The following KIF6 variants were observed in gnomAD, a reference collection of about 807,000 sequenced individuals.
The protein encoded by KIF6 is kinesin-like protein KIF6.
KIF6 carries 106 observed loss-of-function variants against 112.7 expected under a neutral mutation model. The ratio of observed to expected loss-of-function variants is 0.94; its 90% CI spans 0.80 to 1.11. The LOEUF (loss-of-function observed/expected upper bound fraction) is 1.11, where lower values mean the gene tolerates loss of function less well. Ranked by LOEUF, KIF6 falls within the 50% of genes least tolerant of loss-of-function variation. The pLI, the probability that KIF6 is intolerant of heterozygous loss-of-function variation, is 0.00. For synonymous variants in KIF6, 339 were observed against 339.9 expected, an observed-to-expected ratio of 1.00 and a Z score of 0.03; for missense variants, 929 against 964.0, an observed-to-expected ratio of 0.96 and a Z score of 0.48.
At chr6:39,693,202 G>T (rs1388824754) in intron 3 of KIF6, among the ~76,000 whole-genome samples, 1 of 152,212 alleles carries the variant, frequency 6.6e-6, no homozygotes, top group Non-Finnish European at 1.5e-5. Context: ...GCTGTTAAGG[G>T]CACCACAGTA....
At position 39,385,623 on chromosome 6, in the gene KIF6, T is replaced by C. The variant is rs141639074; in HGVS notation, c.1860A>G (p.Leu620=). The change falls in exon 16 of 23, where the codon CTA becomes CTG. Residue 620 remains leucine (L), a splice_region_variant and synonymous_variant. Transcript: ENST00000287152. ...ITQRHIQQVA[L]GISENMAVPL... ...CCTGCAGATTCTCTTTGTACCTACC[T>C]AGGGCTACTTGCTGTATATGCCGCT... is the stretch of plus-strand genomic sequence containing the variant. The C allele has an allele frequency of 6.2e-7, 1 of 1,612,968 alleles. No homozygotes were observed. The highest frequency in any genetic ancestry group is 8.5e-7 in the Non-Finnish European group (1 of 1,178,942).
At chr6:39,447,613 C>T (rs7738235) in intron 13 of KIF6, among the ~76,000 whole-genome samples, 2,728 of 152,040 alleles carry the variant, frequency 0.018, 64 homozygotes, top group African/African-American at 0.05. Flanking sequence ...TGACTGGCAG[C>T]GTAGGGGACT....
chr6:39,386,635 C>T (rs1215391640), intron 15 of KIF6, among the ~76,000 whole-genome samples: 1 of 151,906 alleles, frequency 6.6e-6, no homozygotes, highest in Admixed American at 6.6e-5. Context: ...AGGGTTCAAG[C>T]AGAAGCTGGG....
chr6:39,609,811 G>C (rs1199234505), intron 6 of KIF6, among the ~76,000 whole-genome samples: 1 of 152,110 alleles, frequency 6.6e-6, no homozygotes, highest in Non-Finnish European at 1.5e-5. Flanking sequence ...AGCCCAGACT[G>C]CTCCCAAATT....
At chr6:39,429,818 G>A (rs1256425151) in intron 14 of KIF6, among the ~76,000 whole-genome samples, 2 of 151,996 alleles carry the variant, frequency 1.3e-5, no homozygotes, top group Non-Finnish European at 2.9e-5. Context: ...TGAGGCAGGA[G>A]AATCGCTTGA....
chr6:39,460,536 T>TAAAAAAAAAAAAAAAAAAAAAAAAAAAGA (rs759528125), intron 13 of KIF6, among the ~76,000 whole-genome samples: 4 of 57,064 alleles, frequency 7.0e-5, no homozygotes, highest in South Asian at 7.8e-4. Flanking sequence ...AAAAAAAAAG[T>TAAAAAAAAAAAAAAAAAAAAAAAAAAAGA]AAAAAAAAAA....
chr6:39,665,928 T>C (rs1231612512), intron 3 of KIF6, among the ~76,000 whole-genome samples: 1 of 152,176 alleles, frequency 6.6e-6, no homozygotes, highest in Non-Finnish European at 1.5e-5. Context: ...GACCACAAAT[T>C]TGACAGAAAC....
At chr6:39,678,769 A>T (rs1262697289) in intron 3 of KIF6, among the ~76,000 whole-genome samples, 1 of 152,234 alleles carries the variant, frequency 6.6e-6, no homozygotes, top group African/African-American at 2.4e-5. Flanking sequence ...GACACTGTTG[A>T]GTTTGAAAGA....
chr6:39,454,244 A>G (rs983940441), intron 13 of KIF6, among the ~76,000 whole-genome samples: 3 of 152,184 alleles, frequency 2.0e-5, no homozygotes, highest in Non-Finnish European at 4.4e-5. Context: ...TTAATCAGAG[A>G]AAGTCACTCA....
intron 10 of KIF6, among the ~76,000 whole-genome samples, chr6:39,564,366 G>A (rs1780169438): frequency 6.6e-6 from 1 of 152,188 alleles, no homozygotes; most frequent in Non-Finnish European, 1.5e-5. Context: ...GGATGGGAAT[G>A]AGAATAAAGA....
At chr6:39,425,256 T>C (rs1169726454) in intron 14 of KIF6, among the ~76,000 whole-genome samples, 15 of 152,192 alleles carry the variant, frequency 9.9e-5, no homozygotes, top group African/African-American at 3.1e-4. Context: ...TTCCTACTTT[T>C]CTTGTCTAGA....
chr6:39,543,938 T>TA (rs200204949), intron 12 of KIF6, among the ~76,000 whole-genome samples: 3,833 of 152,064 alleles, frequency 0.025, 163 homozygotes, highest in Admixed American at 0.12. Context: ...TCAGTTTAGC[T>TA]AAAAAAAAGA....
chr6:39,499,327 A>G (rs1159977471), intron 13 of KIF6, among the ~76,000 whole-genome samples: 1 of 151,712 alleles, frequency 6.6e-6, no homozygotes, highest in Non-Finnish European at 1.5e-5. Flanking sequence ...GCAGTTGGCC[A>G]GATTTTTTTT....
At chr6:39,340,400 CAG>C (rs1007669045) in intron 22 of KIF6, among the ~76,000 whole-genome samples, 5 of 152,178 alleles carry the variant, frequency 3.3e-5, no homozygotes, top group Non-Finnish European at 7.4e-5. Flanking sequence ...CTCCTGACAG[CAG>C]AGTGGGCATA....
Position 39,363,104 on chromosome 6 carries a change from A to G in KIF6, c.1862-586T>C, listed in dbSNP as rs369793806. The stretch of plus-strand genomic sequence containing the variant: ...GCGGAGGTTGCAGTGAGCCGAGATC[A>G]TGCCATTGCACTCCAGCTTGGGCAA... On this transcript the variant is annotated intron_variant, in intron 16 of 22. Transcript: ENST00000287152. 2.5e-3 allele frequency among the ~76,000 whole-genome samples: 375 copies of G among 152,316 alleles called. 2 individuals are homozygous for G. Among genetic ancestry groups the G allele is most frequent in the African/African-American group, 8.3e-3 (347 of 41,568 alleles).
intron 6 of KIF6, among the ~76,000 whole-genome samples, chr6:39,607,171 A>G (rs1293670977): frequency 6.6e-6 from 1 of 152,208 alleles, no homozygotes; most frequent in African/African-American, 2.4e-5. Context: ...AAACTCTGGG[A>G]CTAAATTTTA....
chr6:39,340,023 C>T (rs971845735), intron 22 of KIF6, among the ~76,000 whole-genome samples: 1 of 152,172 alleles, frequency 6.6e-6, no homozygotes, highest in Non-Finnish European at 1.5e-5. Flanking sequence ...GGTGCCTGGG[C>T]CCCGGCCTGT....
At chr6:39,453,206 T>C (rs976328220) in intron 13 of KIF6, among the ~76,000 whole-genome samples, 1 of 152,218 alleles carries the variant, frequency 6.6e-6, no homozygotes, top group Non-Finnish European at 1.5e-5. Flanking sequence ...ACATTTGAAA[T>C]GATCATTACC....
chr6:39,349,445 G>A (rs1372330848), intron 19 of KIF6, among the ~76,000 whole-genome samples: 2 of 151,966 alleles, frequency 1.3e-5, no homozygotes, highest in African/African-American at 2.4e-5. Flanking sequence ...GCAGAGAGGA[G>A]GAAGAAAAGG....
Sources: gnomAD v4.1 joint callset for allele counts (sites outside exome capture counted in the v4.1 genomes callset) on GRCh38, gnomAD v4.1.1 for gene constraint, MANE v1.5 for transcripts, NCBI Gene and HGNC (gene_info 2026-07-23, HGNC 2026-07-21) for gene names.